PRKAR2B: variants seen among roughly 807,000 people sequenced by gnomAD.
PRKAR2B encodes the protein protein kinase cAMP-dependent type II regulatory subunit beta.
Under a neutral mutation model 49.9 loss-of-function variants are expected in PRKAR2B, and 14 were observed. The ratio of observed to expected loss-of-function variants is 0.28; its 90% CI spans 0.19 to 0.44. The LOEUF (loss-of-function observed/expected upper bound fraction) is 0.44. Ranked by LOEUF, PRKAR2B falls within the 20% of genes least tolerant of loss-of-function variation. The pLI, the probability that PRKAR2B is intolerant of heterozygous loss-of-function variation, is 1.00. For missense variants in PRKAR2B, 393 were observed against 537.9 expected, an observed-to-expected ratio of 0.73 and a Z score of 2.67; for synonymous variants, 196 against 197.7, an observed-to-expected ratio of 0.99 and a Z score of 0.07.
chr7:107,047,591 A>G (rs1330129721), intron 1 of PRKAR2B, among the ~76,000 whole-genome samples: 1 of 152,190 alleles, frequency 6.6e-6, no homozygotes. Flanking sequence ...TGATCCTAAA[A>G]AGTATGAGCC....
intron 3 of PRKAR2B, 30 bp from the exon 4 acceptor site, chr7:107,128,182 C>T: frequency 1.4e-6 from 2 of 1,450,924 alleles, no homozygotes; most frequent in Non-Finnish European, 1.9e-6. Flanking sequence ...TGGCTAATGT[C>T]TTTGTTTTTT....
chr7:107,125,738 A>G (rs1003509317), intron 3 of PRKAR2B, among the ~76,000 whole-genome samples: 1 of 152,102 alleles, frequency 6.6e-6, no homozygotes, highest in Non-Finnish European at 1.5e-5. Context: ...GGGAAACAGG[A>G]GGAGAGCAGT....
chr7:107,067,934 C>CT (rs895614141), intron 1 of PRKAR2B, among the ~76,000 whole-genome samples: 35 of 152,060 alleles, frequency 2.3e-4, no homozygotes, highest in African/African-American at 6.0e-4. Flanking sequence ...TATAAATGGA[C>CT]TTTTTTTTGC....
chr7:107,098,415 CTTTTTTGAAGG>C (rs1794889991), intron 2 of PRKAR2B, among the ~76,000 whole-genome samples: 1 of 152,148 alleles, frequency 6.6e-6, no homozygotes, highest in African/African-American at 2.4e-5. Context: ...TTTGTCTAAT[CTTTTTTGAAGG>C]TTTTTAGCTT....
chr7:107,128,412 G>C (rs890263861), intron 4 of PRKAR2B, 117 bp downstream of exon 4: 2 of 663,952 alleles, frequency 3.0e-6, no homozygotes, highest in South Asian at 4.0e-5. Flanking sequence ...TGGGGTGATG[G>C]TAAAGGCCCC....
At chr7:107,064,421 C>T (rs893306612) in intron 1 of PRKAR2B, among the ~76,000 whole-genome samples, 3 of 152,160 alleles carry the variant, frequency 2.0e-5, no homozygotes, top group African/African-American at 4.8e-5. Flanking sequence ...TTACTCTGCC[C>T]CACCTCCAGC....
intron 3 of PRKAR2B, among the ~76,000 whole-genome samples, chr7:107,126,562 G>A (rs943008129): frequency 7.9e-5 from 12 of 152,172 alleles, no homozygotes; most frequent in Admixed American, 4.6e-4. Flanking sequence ...TGACCAGAGC[G>A]AAGCAGGTGC....
intron 2 of PRKAR2B, chr7:107,091,596 C>T (rs1794733954): frequency 6.6e-6 from 1 of 152,176 alleles, no homozygotes; most frequent in African/African-American, 2.4e-5. Flanking sequence ...GCATGCCTCC[C>T]AGAGCATGAA....
In PRKAR2B at chr7:107,157,810, G is replaced by A. The variant is rs190390917; in HGVS notation, c.1123+486G>A. ...TTCAGTTGTTATTACTATTTTACCA[G>A]AGTAGCTTGGCAGAAATGTCATCTT... On this transcript the variant is annotated intron_variant, in intron 10 of 10. Transcript: ENST00000265717. Among the ~76,000 whole-genome samples, 1,236 of 152,298 alleles carry A rather than the reference G, an allele frequency of 8.1e-3. 10 individuals carry two copies. The highest frequency in any genetic ancestry group is 0.016 in the South Asian group (77 of 4,830).
At chr7:107,156,679 G>A (rs558727804) in intron 8 of PRKAR2B, among the ~76,000 whole-genome samples, 178 of 151,970 alleles carry the variant, frequency 1.2e-3, no homozygotes, top group Non-Finnish European at 2.1e-3. Context: ...GGTGGCAGAC[G>A]CCTGTAGTCC....
intron 2 of PRKAR2B, among the ~76,000 whole-genome samples, chr7:107,097,409 C>T (rs76772639): frequency 6.6e-5 from 10 of 151,994 alleles, no homozygotes; most frequent in East Asian, 1.9e-4. Flanking sequence ...TATCTCTGCA[C>T]GTGAGATGGG....
chr7:107,142,138 C>T (rs1225147929), intron 5 of PRKAR2B, among the ~76,000 whole-genome samples: 2 of 152,156 alleles, frequency 1.3e-5, no homozygotes, highest in African/African-American at 4.8e-5. Flanking sequence ...GCTCTCTGGG[C>T]TGGGTTGTGT....
chr7:107,138,363 A>G (rs947468125), intron 4 of PRKAR2B, among the ~76,000 whole-genome samples: 1 of 152,198 alleles, frequency 6.6e-6, no homozygotes, highest in Admixed American at 6.5e-5. Flanking sequence ...GAGTATGTCT[A>G]TACTTTCTGA....
chr7:107,074,023 C>T (rs958284700), intron 2 of PRKAR2B, among the ~76,000 whole-genome samples: 1 of 152,050 alleles, frequency 6.6e-6, no homozygotes, highest in African/African-American at 2.4e-5. Flanking sequence ...GATTGTGCCA[C>T]TCACTCCAAC....
intron 2 of PRKAR2B, among the ~76,000 whole-genome samples, chr7:107,075,645 C>G (rs1794382271): frequency 6.6e-6 from 1 of 152,102 alleles, no homozygotes; most frequent in South Asian, 2.1e-4. Context: ...AGGGATCCAC[C>G]TGCCTCAGCC....
chr7:107,051,833 C>T (rs1793811111), intron 1 of PRKAR2B, among the ~76,000 whole-genome samples: 1 of 151,906 alleles, frequency 6.6e-6, no homozygotes, highest in Admixed American at 6.6e-5. Flanking sequence ...ACACATGTTC[C>T]ACATAAAAGT....
intron 3 of PRKAR2B, among the ~76,000 whole-genome samples, chr7:107,127,477 G>A (rs942257188): frequency 2.6e-5 from 4 of 152,176 alleles, no homozygotes; most frequent in African/African-American, 9.7e-5. Context: ...TTACACACAC[G>A]GCATTCTGCC....
chr7:107,103,118 C>T (rs1023574259), intron 2 of PRKAR2B, among the ~76,000 whole-genome samples: 8 of 152,104 alleles, frequency 5.3e-5, no homozygotes, highest in Admixed American at 3.9e-4. Context: ...TGCTAATAAT[C>T]AGTCTTTTAA....
intron 1 of PRKAR2B, among the ~76,000 whole-genome samples, chr7:107,059,528 T>C (rs1793984187): frequency 6.6e-6 from 1 of 151,530 alleles, no homozygotes; most frequent in African/African-American, 2.5e-5. Flanking sequence ...CAACTTGTTT[T>C]TGAGAAGGGC....
Sources: allele counts gnomAD v4.1 joint callset (sites outside exome capture counted in the v4.1 genomes callset), GRCh38; gene constraint gnomAD v4.1.1; transcripts MANE v1.5; gene names NCBI Gene and HGNC (gene_info 2026-07-23, HGNC 2026-07-21).